Variants in NUP210L observed in about 807,000 individuals in gnomAD.
The protein encoded by NUP210L is nuclear pore membrane glycoprotein 210-like.
In NUP210L, 74 loss-of-function variants were observed where a neutral mutation model predicts 208.5. That is an observed-to-expected ratio of 0.35 (90% CI 0.29 to 0.43). NUP210L has a LOEUF of 0.43. NUP210L is among the 20% of genes least tolerant of loss of function. NUP210L has a pLI of 1.00. For missense variants in NUP210L, 1,843 were observed against 2,289.4 expected (o/e 0.81, Z 3.98); for synonymous variants, 780 against 816.9 (o/e 0.95, Z 0.77).
intron 33 of NUP210L, among the ~76,000 whole-genome samples, chr1:154,013,965 A>G (rs772821903): frequency 2.0e-4 from 31 of 152,172 alleles, no homozygotes; most frequent in Admixed American, 3.9e-4. Flanking sequence ...GGATTTCACC[A>G]TGTTGGCCAG....
chr1:154,108,588 T>C (rs1335299320), intron 12 of NUP210L, among the ~76,000 whole-genome samples: 1 of 151,382 alleles, frequency 6.6e-6, no homozygotes, highest in African/African-American at 2.5e-5. Context: ...CATGGTAACC[T>C]GACAAAAATA....
chr1:154,100,022 T>A, exon 14 of NUP210L: 1 of 1,614,154 alleles, frequency 6.2e-7, no homozygotes, highest in Non-Finnish European at 8.5e-7. Context: ...AAGCAGCAAA[T>A]GTAGCACTGC....
At chr1:153,993,727 A>G (rs1649634333) in intron 38 of NUP210L, among the ~76,000 whole-genome samples, 1 of 151,942 alleles carries the variant, frequency 6.6e-6, no homozygotes, top group South Asian at 2.1e-4. Flanking sequence ...AGCCTGGCCA[A>G]CATGCCACTA....
chr1:154,144,090 G>A (rs1393117831), intron 2 of NUP210L, among the ~76,000 whole-genome samples: 3 of 152,028 alleles, frequency 2.0e-5, no homozygotes, highest in Admixed American at 6.6e-5. Flanking sequence ...GTTGAGGCAG[G>A]AGAAGGTGTG....
chr1:154,017,070 C>T lies in NUP210L; in HGVS notation c.4653+1863G>A, dbSNP rs903983039. Among the ~76,000 whole-genome samples the T allele has an allele frequency of 4.6e-5, 7 of 152,196 alleles. No homozygotes were observed. In the South Asian group the frequency reaches 8.3e-4, roughly 18 times the overall value. Reference sequence around the variant, plus strand: ...CGGAGGCGAGCAGATCACATGAGGCCAGTAGTTCGAGACCAGCCTGGCCAA... The same window carrying T: ...CGGAGGCGAGCAGATCACATGAGGCTAGTAGTTCGAGACCAGCCTGGCCAA... On this transcript the variant is annotated intron_variant, in intron 33 of 39. Coordinates refer to ENST00000368559, the Ensembl canonical transcript of NUP210L.
At chr1:154,086,517 T>C (rs1655631123) in intron 16 of NUP210L, among the ~76,000 whole-genome samples, 1 of 151,800 alleles carries the variant, frequency 6.6e-6, no homozygotes, top group Non-Finnish European at 1.5e-5. Flanking sequence ...AAAGATGTCA[T>C]TAGAAAAGTG....
intron 23 of NUP210L, among the ~76,000 whole-genome samples, chr1:154,055,083 TCCTTC>T (rs1653741574): frequency 6.6e-6 from 1 of 151,726 alleles, no homozygotes; most frequent in Non-Finnish European, 1.5e-5. Flanking sequence ...TTCTTTCCTT[TCCTTC>T]CTTTCCTTCT....
chr1:154,143,020 C>T (rs1658933436), intron 3 of NUP210L, among the ~76,000 whole-genome samples: 1 of 151,956 alleles, frequency 6.6e-6, no homozygotes, highest in African/African-American at 2.4e-5. Flanking sequence ...GAAAGCCCAT[C>T]TCTACTAAAA....
intron 38 of NUP210L, 85 bp downstream of exon 38, chr1:153,994,991 G>C (rs1041219004): frequency 4.8e-6 from 4 of 836,892 alleles, no homozygotes; most frequent in Non-Finnish European, 7.4e-6. Context: ...CAGCGTGGGC[G>C]ACAGACTTAA....
rs148359820 is a variant in NUP210L at position 154,053,908 on chromosome 1, G to C, written c.3483+320C>G. 4.4e-3 allele frequency among the ~76,000 whole-genome samples: 673 copies of C among 152,200 alleles called. 7 individuals carry two copies. The highest frequency in any genetic ancestry group is 0.015 in the African/African-American group (634 of 41,524). On this transcript the variant is annotated intron_variant, in intron 25 of 39. Transcript: ENST00000368559. ...GGGTCTCCACAACCAACCTGGTCTTGGCAATGTACCCCATAAATACATATA... is the reference window on the plus strand; with the variant it reads ...GGGTCTCCACAACCAACCTGGTCTTCGCAATGTACCCCATAAATACATATA...
At chr1:154,060,909 GATTCC>G in intron 19 of NUP210L, 28 bp downstream of exon 19, 1 of 1,372,790 alleles carries the variant, frequency 7.3e-7, no homozygotes, top group African/African-American at 1.4e-5. Context: ...CCTCCAATAT[GATTCC>G]ATTTAACTAG....
At chr1:154,140,046 T>A (rs1282721316) in intron 4 of NUP210L, 94 bp from the exon 5 acceptor site, 1 of 993,850 alleles carries the variant, frequency 1.0e-6, no homozygotes, top group East Asian at 2.4e-5. Flanking sequence ...TTCTTCAATG[T>A]CTATAGAATG....
intron 38 of NUP210L, 86 bp downstream of exon 38, chr1:153,994,990 C>T (rs1417409425): frequency 3.0e-5 from 25 of 822,250 alleles, no homozygotes; most frequent in Middle Eastern, 5.1e-4. Context: ...CCAGCGTGGG[C>T]GACAGACTTA....
chr1:154,052,999 C>A (rs1653611542), intron 25 of NUP210L, among the ~76,000 whole-genome samples: 1 of 152,212 alleles, frequency 6.6e-6, no homozygotes, highest in South Asian at 2.1e-4. Flanking sequence ...GCACTTCAAC[C>A]TCAAATGATA....
At chr1:153,994,854 A>C (rs1406255453) in intron 38 of NUP210L, among the ~76,000 whole-genome samples, 1 of 151,766 alleles carries the variant, frequency 6.6e-6, no homozygotes, top group Non-Finnish European at 1.5e-5. Context: ...TCTACTAAAA[A>C]TACAAAAATT....
intron 35 of NUP210L, among the ~76,000 whole-genome samples, chr1:154,008,335 G>A (rs1182361190): frequency 6.6e-6 from 1 of 152,014 alleles, no homozygotes; most frequent in African/African-American, 2.4e-5. Context: ...GATCACTTGA[G>A]GCTAAGAGTT....
At chr1:154,032,950 G>GAAGAAAAGAA (rs146703266) in intron 27 of NUP210L, among the ~76,000 whole-genome samples, 12,775 of 124,322 alleles carry the variant, frequency 0.1, 934 homozygotes, top group African/African-American at 0.19. Context: ...AAGAAAGAAA[G>GAAGAAAAGAA]AAGAAAAGAA....
intron 36 of NUP210L, 118 bp from the exon 37 acceptor site, chr1:154,001,178 T>G: frequency 1.3e-5 from 10 of 796,232 alleles, no homozygotes; most frequent in Non-Finnish European, 1.8e-5. Flanking sequence ...TCTAGCTAGC[T>G]AGCCGACAAT....
intron 7 of NUP210L, among the ~76,000 whole-genome samples, chr1:154,133,072 T>C (rs1658338162): frequency 1.3e-5 from 2 of 152,196 alleles, no homozygotes; most frequent in South Asian, 4.1e-4. Context: ...CCCTACTCTA[T>C]TACTTCTACT....
Sources: gnomAD v4.1 joint callset for allele counts (sites outside exome capture counted in the v4.1 genomes callset) on GRCh38, gnomAD v4.1.1 for gene constraint, MANE v1.5 for transcripts, NCBI Gene and HGNC (gene_info 2026-07-23, HGNC 2026-07-21) for gene names.